PCDH11Y: variants seen among roughly 807,000 people sequenced by gnomAD.
PCDH11Y encodes the protein protocadherin 11 Y-linked.
For synonymous variants in PCDH11Y, 9 were observed against 83.6 expected, an observed-to-expected ratio of 0.11 and a Z score of 4.87; for missense variants, 12 against 224.8, an observed-to-expected ratio of 0.05 and a Z score of 6.05.
intron 1 of PCDH11Y, among the ~76,000 whole-genome samples, chrY:5,078,046 G>A (rs2124631623): frequency 2.5e-4 from 8 of 32,040 alleles, no homozygotes; most frequent in African/African-American, 1.2e-4. Flanking sequence ...TGGCCTCAGT[G>A]TGTGGTGTTC....
At chrY:5,095,141 T>G in intron 1 of PCDH11Y, among the ~76,000 whole-genome samples, 1 of 33,514 alleles carries the variant, frequency 3.0e-5, no homozygotes, top group Admixed American at 2.7e-4. Flanking sequence ...CCAGATGTAT[T>G]GTATTCATAA....
intron 3 of PCDH11Y, among the ~76,000 whole-genome samples, chrY:5,533,192 T>G: frequency 6.1e-5 from 2 of 33,001 alleles, no homozygotes; most frequent in South Asian, 1.3e-3. Flanking sequence ...CTTTAATATA[T>G]CTGTTGACCT....
At chrY:5,336,262 T>TTTTA (rs2053136683) in intron 2 of PCDH11Y, among the ~76,000 whole-genome samples, 23 of 32,270 alleles carry the variant, frequency 7.1e-4, no homozygotes, top group Admixed American at 2.3e-3. Flanking sequence ...CTCATTTTTC[T>TTTTA]TTTATTTATT....
At chrY:5,129,608 T>C in intron 2 of PCDH11Y, among the ~76,000 whole-genome samples, 1 of 32,337 alleles carries the variant, frequency 3.1e-5, no homozygotes, top group African/African-American at 1.2e-4. Flanking sequence ...AAAAAATCAA[T>C]TTTAATATAT....
At chrY:5,567,277 G>A (rs2053436205) in intron 3 of PCDH11Y, among the ~76,000 whole-genome samples, 1 of 31,988 alleles carries the variant, frequency 3.1e-5, no homozygotes, top group Admixed American at 3.0e-4. Flanking sequence ...AGGCATTTGC[G>A]AATCAGGTGA....
At chrY:5,286,815 T>C in intron 2 of PCDH11Y, among the ~76,000 whole-genome samples, 3 of 32,814 alleles carry the variant, frequency 9.1e-5, no homozygotes, top group African/African-American at 3.6e-4. Context: ...GCTTCCTAGG[T>C]ATAGAATGAT....
chrY:5,328,580 G>T (rs2053125511), intron 2 of PCDH11Y, among the ~76,000 whole-genome samples: 1 of 32,670 alleles, frequency 3.1e-5, no homozygotes, highest in Non-Finnish European at 7.5e-5. Flanking sequence ...GAACTGGGCT[G>T]GATTTTTATA....
At chrY:5,622,013 A>G (rs2053500762) in intron 4 of PCDH11Y, among the ~76,000 whole-genome samples, 1 of 33,141 alleles carries the variant, frequency 3.0e-5, no homozygotes, top group African/African-American at 1.2e-4. Context: ...AGCAATTGCA[A>G]CAAAAGCAAT....
At chrY:5,323,396 C>T (rs2053115372) in intron 2 of PCDH11Y, among the ~76,000 whole-genome samples, 1 of 31,049 alleles carries the variant, frequency 3.2e-5, no homozygotes, top group African/African-American at 1.3e-4. Context: ...GGGGTTTCTC[C>T]GTGTTGGTCA....
intron 1 of PCDH11Y, among the ~76,000 whole-genome samples, chrY:5,097,371 G>T: frequency 3.2e-5 from 1 of 31,595 alleles, no homozygotes; most frequent in Non-Finnish European, 7.6e-5. Flanking sequence ...TTTTATTTCG[G>T]TGCTTACTTT....
At chrY:5,313,950 T>G in intron 2 of PCDH11Y, among the ~76,000 whole-genome samples, 1 of 33,281 alleles carries the variant, frequency 3.0e-5, no homozygotes, top group South Asian at 6.6e-4. Flanking sequence ...CAGTCTAATC[T>G]GTGTAGATGT....
At chrY:5,077,355 C>A in intron 1 of PCDH11Y, among the ~76,000 whole-genome samples, 1 of 31,691 alleles carries the variant, frequency 3.2e-5, no homozygotes, top group Non-Finnish European at 7.6e-5. Context: ...ATCATATTAT[C>A]TGTAAACAAT....
intron 2 of PCDH11Y, among the ~76,000 whole-genome samples, chrY:5,292,978 T>A (rs1602900212): frequency 3.1e-5 from 1 of 32,182 alleles, no homozygotes; most frequent in African/African-American, 1.2e-4. Context: ...GAGAAATTTT[T>A]AAATTTTCTT....
intron 2 of PCDH11Y, among the ~76,000 whole-genome samples, chrY:5,435,459 G>A: frequency 3.3e-5 from 1 of 30,507 alleles, no homozygotes; most frequent in Non-Finnish European, 7.9e-5. Context: ...AACTACAGGC[G>A]CCCGCCACCA....
At chrY:5,032,138 A>T in intron 2 of PCDH11Y, 1 of 34,034 alleles carries the variant, frequency 2.9e-5, no homozygotes, top group East Asian at 7.8e-4. Context: ...ATAGATATGT[A>T]GGTAATCAAG....
intron 2 of PCDH11Y, among the ~76,000 whole-genome samples, chrY:5,200,183 T>A: frequency 3.1e-5 from 1 of 32,165 alleles, no homozygotes; most frequent in African/African-American, 1.2e-4. Context: ...CAGGAATGGC[T>A]GTAAAAGTAA....
At chrY:5,302,207 GAGGAAGGAAGGAAGGAAGGA>G (rs767610156) in intron 2 of PCDH11Y, among the ~76,000 whole-genome samples, 1 of 19,977 alleles carries the variant, frequency 5.0e-5, no homozygotes, top group Non-Finnish European at 1.0e-4. Flanking sequence ...GGAAGGAAGG[GAGGAAGGAAGGAAGGAAGGA>G]AGGAAGGAAG....
At chrY:5,330,199 G>T in intron 2 of PCDH11Y, among the ~76,000 whole-genome samples, 1 of 32,459 alleles carries the variant, frequency 3.1e-5, no homozygotes, top group South Asian at 7.2e-4. Context: ...GCTCAGTGGG[G>T]GAGCTTCTGA....
intron 1 of PCDH11Y, among the ~76,000 whole-genome samples, chrY:5,007,088 T>A: frequency 3.0e-5 from 1 of 33,605 alleles, no homozygotes; most frequent in South Asian, 6.5e-4. Context: ...GAGGAGTAGT[T>A]TGCCAGAAAT....
Sources: allele counts gnomAD v4.1 joint callset (sites outside exome capture counted in the v4.1 genomes callset), GRCh38; gene constraint gnomAD v4.1.1; transcripts MANE v1.5; gene names NCBI Gene and HGNC (gene_info 2026-07-23, HGNC 2026-07-21).